Variants in KCNJ16 observed in about 807,000 individuals in gnomAD.
The protein encoded by KCNJ16 is potassium inwardly rectifying channel subfamily J member 16, also known as inward rectifier potassium channel 16.
A neutral mutation model predicts 18.5 loss-of-function variants in KCNJ16; 15 were observed. That is an observed-to-expected ratio of 0.81 (90% CI 0.54 to 1.25). The LOEUF (loss-of-function observed/expected upper bound fraction) is 1.25, where lower values mean the gene tolerates loss of function less well. Among genes scored for constraint, KCNJ16 ranks in the 50% most tolerant of loss-of-function variants. The probability of loss-of-function intolerance (pLI) is 0.00; values close to 1 mark genes in which losing one functional copy is unlikely to be tolerated. For synonymous variants in KCNJ16, 174 were observed against 186.5 expected (o/e 0.93, Z 0.55); for missense variants, 523 against 525.7 (o/e 0.99, Z 0.05).
chr17:70,107,270 GT>G (rs2072974585), intron 2 of KCNJ16, among the ~76,000 whole-genome samples: 1 of 152,142 alleles, frequency 6.6e-6, no homozygotes, highest in Admixed American at 6.6e-5. Context: ...TAAAGGTACT[GT>G]TTTGTTTGCA....
intron 1 of KCNJ16, among the ~76,000 whole-genome samples, chr17:70,100,021 A>G (rs1482612343): frequency 6.6e-6 from 1 of 152,162 alleles, no homozygotes; most frequent in Admixed American, 6.5e-5. Flanking sequence ...CTACAGGAGG[A>G]AAGTCCGTTT....
At chr17:70,118,689 GC>G (rs2073512108) in intron 2 of KCNJ16, among the ~76,000 whole-genome samples, 2 of 152,034 alleles carry the variant, frequency 1.3e-5, no homozygotes, top group Non-Finnish European at 2.9e-5. Context: ...ACAGCACCAA[GC>G]CATGAGAGAT....
chr17:70,085,918 C>A (rs1386782202), intron 1 of KCNJ16, among the ~76,000 whole-genome samples: 1 of 151,832 alleles, frequency 6.6e-6, no homozygotes, highest in South Asian at 2.1e-4. Context: ...AGGATAATAC[C>A]AAATCTAACG....
chr17:70,093,029 C>T (rs2072194884), intron 1 of KCNJ16, among the ~76,000 whole-genome samples: 3 of 152,152 alleles, frequency 2.0e-5, no homozygotes, highest in African/African-American at 4.8e-5. Flanking sequence ...CAACCCTTCG[C>T]CAGTCAAGCT....
At chr17:70,098,522 C>G (rs138121814) in intron 1 of KCNJ16, among the ~76,000 whole-genome samples, 1 of 149,726 alleles carries the variant, frequency 6.7e-6, no homozygotes, top group African/African-American at 2.5e-5. Flanking sequence ...AATCTTCTTT[C>G]TTTTCCCTTT....
intron 1 of KCNJ16, among the ~76,000 whole-genome samples, chr17:70,087,564 G>T (rs192534701): frequency 4.6e-5 from 7 of 151,778 alleles, no homozygotes; most frequent in African/African-American, 1.7e-4. Context: ...AAAATTAGCC[G>T]GTTGTGGTGG....
chr17:70,096,187 C>T (rs558072121), intron 1 of KCNJ16, among the ~76,000 whole-genome samples: 1 of 152,222 alleles, frequency 6.6e-6, no homozygotes, highest in African/African-American at 2.4e-5. Flanking sequence ...CCAGCCTACT[C>T]AATCCTTTTT....
chr17:70,125,275 A>G (rs1216000038), intron 2 of KCNJ16, among the ~76,000 whole-genome samples: 2 of 144,244 alleles, frequency 1.4e-5, no homozygotes, highest in Non-Finnish European at 3.0e-5. Flanking sequence ...GTTTCAAAGA[A>G]AAAAAAAAAA....
intron 2 of KCNJ16, chr17:70,128,494 T>A (rs1036236562): frequency 6.6e-6 from 1 of 152,106 alleles, no homozygotes; most frequent in Non-Finnish European, 1.5e-5. Context: ...GGGTATTTAA[T>A]AAACGTTGAT....
chr17:70,085,566 T>C (rs1367912927), intron 1 of KCNJ16, among the ~76,000 whole-genome samples: 1 of 152,192 alleles, frequency 6.6e-6, no homozygotes, highest in African/African-American at 2.4e-5. Flanking sequence ...TTCTTTGGAT[T>C]ACATACCCAC....
At chr17:70,091,682 G>C (rs1162496618) in intron 1 of KCNJ16, among the ~76,000 whole-genome samples, 11 of 152,092 alleles carry the variant, frequency 7.2e-5, no homozygotes, top group Non-Finnish European at 1.3e-4. Context: ...GTTTTCTGCT[G>C]TTTTCCCAGA....
At position 70,095,870 on chromosome 17, in the gene KCNJ16, C is replaced by CTCTTTTTTTTTT. The variant is rs1567784556; in HGVS notation, c.-299-4787_-299-4786insCTTTTTTTTTTT. ...ATTTGGCATTTTATATTACTTAATC[C>CTCTTTTTTTTTT]TTTTTTTTTTTTTTTTTTTTTTTTT... On this transcript the variant is annotated intron_variant, in intron 1 of 3. Coordinates refer to ENST00000392671, the MANE Select transcript of KCNJ16 (RefSeq NM_170741.4). Among the ~76,000 whole-genome samples the CTCTTTTTTTTTT allele has an allele frequency of 6.3e-5, 6 of 95,402 alleles. 2 individuals carry two copies. The highest frequency in any genetic ancestry group is 2.1e-4 in the African/African-American group (5 of 24,246). The allele number at this position is 95,402 out of a possible 152,430, so 62.6% of individuals were successfully genotyped here.
At chr17:70,119,078 A>C (rs893175555) in intron 2 of KCNJ16, among the ~76,000 whole-genome samples, 1 of 152,222 alleles carries the variant, frequency 6.6e-6, no homozygotes, top group Non-Finnish European at 1.5e-5. Context: ...GGCCCCACAC[A>C]AGTTTAAAAC....
rs200718257 is a variant in KCNJ16 at position 70,132,303 on chromosome 17, T to C, written c.216T>C (p.His72=). The C allele has an allele frequency of 7.4e-6, 12 of 1,614,184 alleles. No individual in the cohort carries two copies. The highest frequency in any genetic ancestry group is 1.0e-5 in the Non-Finnish European group (12 of 1,180,000). ...FTTLVDTKWR[H]MFVIFSLSYI... is the part of the protein sequence containing the mutation. Reference sequence around the variant, plus strand: ...CTCTTGTGGACACCAAGTGGCGCCATATGTTTGTGATATTTTCTTTATCTT... The same window carrying C: ...CTCTTGTGGACACCAAGTGGCGCCACATGTTTGTGATATTTTCTTTATCTT... Residue 72 remains histidine, a synonymous_variant, in exon 4 of 4, where the codon CAT becomes CAC. Coordinates refer to ENST00000392671, the MANE Select transcript of KCNJ16 (RefSeq NM_170741.4).
chr17:70,090,260 T>C (rs2072024190), intron 1 of KCNJ16, among the ~76,000 whole-genome samples: 1 of 152,202 alleles, frequency 6.6e-6, no homozygotes, highest in Non-Finnish European at 1.5e-5. Context: ...AAGAAAATTC[T>C]ACAGGCTTGA....
chr17:70,090,243 C>T (rs1017157867), intron 1 of KCNJ16, among the ~76,000 whole-genome samples: 2 of 151,986 alleles, frequency 1.3e-5, no homozygotes, highest in African/African-American at 2.4e-5. Context: ...TTTTGTTTTT[C>T]CCTTTAAAGA....
At chr17:70,081,455 G>GAACA (rs1417044823) in intron 1 of KCNJ16, among the ~76,000 whole-genome samples, 1 of 152,108 alleles carries the variant, frequency 6.6e-6, no homozygotes, top group Admixed American at 6.6e-5. Flanking sequence ...AGAAAAAACT[G>GAACA]AACAAAGCAA....
intron 2 of KCNJ16, among the ~76,000 whole-genome samples, chr17:70,112,514 AAT>A (rs1392211906): frequency 6.6e-6 from 1 of 152,120 alleles, no homozygotes; most frequent in Admixed American, 6.6e-5. Context: ...GAAAAAAAAA[AAT>A]AGTGTTGGTT....
At chr17:70,093,392 A>G (rs1318685290) in intron 1 of KCNJ16, among the ~76,000 whole-genome samples, 1 of 152,058 alleles carries the variant, frequency 6.6e-6, no homozygotes, top group Non-Finnish European at 1.5e-5. Flanking sequence ...TAGCAGTGCA[A>G]TTCATCTTCA....
Sources: gnomAD v4.1 joint callset for allele counts (sites outside exome capture counted in the v4.1 genomes callset) on GRCh38, gnomAD v4.1.1 for gene constraint, MANE v1.5 for transcripts, NCBI Gene and HGNC (gene_info 2026-07-23, HGNC 2026-07-21) for gene names.